The following IRAG2 variants were observed in gnomAD, a reference collection of about 807,000 sequenced individuals.
IRAG2 encodes lymphoid restricted membrane protein.
A neutral mutation model predicts 69.9 loss-of-function variants in IRAG2; 45 were observed. That is an observed-to-expected ratio of 0.64 (90% CI 0.51 to 0.83). The LOEUF (loss-of-function observed/expected upper bound fraction) is 0.83, where lower values mean the gene tolerates loss of function less well. Among genes scored for constraint, IRAG2 ranks in the 40% least tolerant of loss-of-function variants. The pLI is 0.00. For synonymous variants in IRAG2, 193 were observed against 202.4 expected (o/e 0.95, Z 0.40); for missense variants, 520 against 587.0 (o/e 0.89, Z 1.18).
chr12:25,015,173 T>TTTTTG (rs1944516260), intron 3 of IRAG2: 4 of 1,162,958 alleles, frequency 3.4e-6, no homozygotes, highest in Non-Finnish European at 3.2e-6. Flanking sequence ...TTTTTTTTTT[T>TTTTTG]GGCTACAGGG....
chr12:25,045,525 G>T (rs1944786113), intron 16 of IRAG2, among the ~76,000 whole-genome samples: 1 of 151,974 alleles, frequency 6.6e-6, no homozygotes, highest in Non-Finnish European at 1.5e-5. Flanking sequence ...CTCAAAATCA[G>T]AAATGAAGGA....
At chr12:25,091,411 T>C (rs1366019931) in intron 14 of IRAG2, among the ~76,000 whole-genome samples, 2 of 152,246 alleles carry the variant, frequency 1.3e-5, no homozygotes, top group African/African-American at 4.8e-5. Flanking sequence ...TTATCCATAT[T>C]ATAGCATGTG....
Position 25,107,049 on chromosome 12 carries a change from G to A in IRAG2, c.1255G>A (p.Val419Ile). Residue 419 changes from valine (V) to isoleucine (I), a missense_variant and splice_region_variant, in exon 21 of 22, where the codon GTT becomes ATT. Val to Ile is a conservative substitution (Grantham distance 29, BLOSUM62 3). Transcript: ENST00000556887. The stretch of plus-strand genomic sequence containing the variant: ...TCCATCAAAGTGGGATGTCTCTTCA[G>A]TGTAAGTTATCTACTTGATAAATTC... ...NNPSKWDVSS[V>I]YDTIASWATN... 1.3e-6 allele frequency: 2 copies of A among 1,546,594 alleles called. No individual in the cohort carries two copies. The highest frequency in any genetic ancestry group is 4.6e-5 in the East Asian group (2 of 43,568).
At chr12:25,006,236 G>C (rs968155354) in intron 2 of IRAG2, 1 of 152,156 alleles carries the variant, frequency 6.6e-6, no homozygotes, top group East Asian at 1.9e-4. Flanking sequence ...AACAGATGTC[G>C]GTGAGGTTAT....
At chr12:25,022,206 T>G (rs1054254618) in intron 7 of IRAG2, among the ~76,000 whole-genome samples, 6 of 152,226 alleles carry the variant, frequency 3.9e-5, no homozygotes, top group Non-Finnish European at 8.8e-5. Flanking sequence ...GAATTGGTAA[T>G]GTTAAATTGC....
At chr12:25,082,599 C>CAAA (rs1555140820) in intron 9 of IRAG2, among the ~76,000 whole-genome samples, 747 of 67,408 alleles carry the variant, frequency 0.011, 5 homozygotes, top group African/African-American at 0.031. Context: ...GACCCTGTCT[C>CAAA]AAAAAAAAAA....
chr12:25,036,759 T>C (rs1467079419), intron 15 of IRAG2: 1 of 397,652 alleles, frequency 2.5e-6, no homozygotes, highest in South Asian at 1.3e-4. Flanking sequence ...GTATATACAG[T>C]ACCATTTCTA....
At chr12:24,999,465 A>C (rs1591918501), upstream of IRAG2, among the ~76,000 whole-genome samples, 1 of 152,208 alleles carries the variant, frequency 6.6e-6, no homozygotes, top group Non-Finnish European at 1.5e-5. Flanking sequence ...CAGAATCTAT[A>C]AGCCAGAGCA....
chr12:25,101,097 GA>G, intron 15 of IRAG2, 80 bp from the exon 16 acceptor site: 1 of 1,221,986 alleles, frequency 8.2e-7, no homozygotes, highest in Admixed American at 2.4e-5. Flanking sequence ...GGAATGGAGT[GA>G]AGGTAAATGT....
chr12:25,010,739 T>G (rs748827877), intron 2 of IRAG2, among the ~76,000 whole-genome samples: 20 of 152,298 alleles, frequency 1.3e-4, no homozygotes, highest in Non-Finnish European at 1.8e-4. Flanking sequence ...ACTTAATTTT[T>G]CCCTCTCCTT....
intron 6 of IRAG2, among the ~76,000 whole-genome samples, chr12:25,077,860 G>A (rs1177127550): frequency 6.6e-6 from 1 of 152,176 alleles, no homozygotes. Context: ...TGATGCAGAA[G>A]TAGGTATAAA....
intron 2 of IRAG2, among the ~76,000 whole-genome samples, chr12:25,009,337 C>T (rs1944456849): frequency 6.6e-6 from 1 of 152,148 alleles, no homozygotes; most frequent in African/African-American, 2.4e-5. Context: ...AAATATTTTA[C>T]ATATAAAATC....
chr12:25,049,103 T>C (rs1433103287), upstream of IRAG2, among the ~76,000 whole-genome samples: 1 of 152,248 alleles, frequency 6.6e-6, no homozygotes, highest in Non-Finnish European at 1.5e-5. Context: ...CATTGGTCTA[T>C]GTATCTGTTT....
At chr12:25,070,792 A>G (rs1042745556) in intron 6 of IRAG2, among the ~76,000 whole-genome samples, 4 of 152,154 alleles carry the variant, frequency 2.6e-5, no homozygotes, top group African/African-American at 9.7e-5. Context: ...CTGTATCCTC[A>G]TTAAATATTT....
At chr12:25,055,482 T>C (rs1359789853) in intron 1 of IRAG2, among the ~76,000 whole-genome samples, 1 of 152,214 alleles carries the variant, frequency 6.6e-6, no homozygotes, top group African/African-American at 2.4e-5. Flanking sequence ...ATTATACTTA[T>C]GTTCTAGGGT....
intron 2 of IRAG2, among the ~76,000 whole-genome samples, chr12:25,007,650 T>G (rs1384659412): frequency 6.6e-6 from 1 of 152,114 alleles, no homozygotes; most frequent in Non-Finnish European, 1.5e-5. Context: ...GCCTCTCAAG[T>G]AGCTGGGATT....
chr12:25,004,033 T>C (rs1944412415), upstream of IRAG2, among the ~76,000 whole-genome samples: 1 of 152,170 alleles, frequency 6.6e-6, no homozygotes, highest in African/African-American at 2.4e-5. Context: ...AGCAGTAACG[T>C]TTATCTCAAA....
At chr12:25,040,381 C>A in intron 16 of IRAG2, among the ~76,000 whole-genome samples, 1 of 152,052 alleles carries the variant, frequency 6.6e-6, no homozygotes, top group Non-Finnish European at 1.5e-5. Flanking sequence ...GTGATGCATG[C>A]CTGTAGTCTC....
At chr12:25,012,718 C>T (rs1191465738) in intron 3 of IRAG2, among the ~76,000 whole-genome samples, 3 of 152,162 alleles carry the variant, frequency 2.0e-5, no homozygotes, top group Admixed American at 6.5e-5. Context: ...ATCCCAATCA[C>T]GTGGGAAGCT....
Sources: gnomAD v4.1 joint callset for allele counts (sites outside exome capture counted in the v4.1 genomes callset) on GRCh38, gnomAD v4.1.1 for gene constraint, MANE v1.5 for transcripts, NCBI Gene and HGNC (gene_info 2026-07-23, HGNC 2026-07-21) for gene names.